TMEM176B: variants seen among roughly 807,000 people sequenced by gnomAD.
TMEM176B encodes the protein transmembrane protein 176B.
Under a neutral mutation model 30.3 loss-of-function variants are expected in TMEM176B, and 28 were observed. The observed-to-expected ratio is 0.92, with a 90% CI of 0.68 to 1.27. TMEM176B has a LOEUF of 1.27. Ranked by LOEUF, TMEM176B falls within the 50% of genes most tolerant of loss-of-function variation. The probability of loss-of-function intolerance (pLI) is 0.00; values close to 1 mark genes in which losing one functional copy is unlikely to be tolerated. For synonymous variants in TMEM176B, 123 were observed against 130.3 expected (o/e 0.94, Z 0.38); for missense variants, 349 against 327.4 (o/e 1.07, Z -0.51).
rs1304534487 is a variant in TMEM176B at position 150,793,124 on chromosome 7, C to A, written c.564G>T (p.Gln188His). 1.9e-6 allele frequency: 3 copies of A among 1,614,222 alleles called. No homozygotes were observed. The African/African-American group carries it at 4.0e-5, about 22-fold the overall frequency. ...WMRRSQENQW[Q>H]KEECRAYMQM... ...GCATGTAAGCTCTACACTCCTCCTT[C>A]TGCCATTGGTTCTCTTGACTTCGCC... is the stretch of plus-strand genomic sequence containing the variant. The change falls in exon 5 of 7, where the codon CAG (glutamine) becomes CAT (histidine). Residue 188 changes from glutamine (Q) to histidine (H), a missense_variant. Coordinates refer to ENST00000326442, the MANE Select transcript of TMEM176B (RefSeq NM_001101312.2).
chr7:150,801,038 C>A, upstream of TMEM176B: 1 of 969,378 alleles, frequency 1.0e-6, no homozygotes. Context: ...GCGGCGTGAA[C>A]CCGTCGGGCG....
rs377152808 is a variant in TMEM176B, at chr7:150,791,593, C to T, written c.751G>A (p.Gly251Arg). 28 of 1,613,832 alleles carry T rather than the reference C, an allele frequency of 1.7e-5. No individual in the cohort carries two copies. Among genetic ancestry groups the T allele is most frequent in the African/African-American group, 2.7e-5 (2 of 74,868 alleles). Reference sequence around the variant, plus strand: ...GGCGAAGGGGGCACTGAATTCTCCCCCAGTAGCCTCTTCTCTGATCCTTCC... The same window carrying T: ...GGCGAAGGGGGCACTGAATTCTCCCTCAGTAGCCTCTTCTCTGATCCTTCC... Reference protein sequence around the residue: ...NEEGSEKRLLGENSVPPSPSR... With the variant: ...NEEGSEKRLLRENSVPPSPSR... Residue 251 changes from glycine (G) to arginine (R), a missense_variant, in exon 7 of 7, where the codon GGG becomes AGG. Physicochemically the swap from Gly to Arg is moderately radical, Grantham distance 125 (BLOSUM62 -2). Transcript: ENST00000326442.
chr7:150,797,598 A>G (rs1480938490), intron 1 of TMEM176B, among the ~76,000 whole-genome samples: 1 of 152,216 alleles, frequency 6.6e-6, no homozygotes, highest in South Asian at 2.1e-4. Flanking sequence ...ATGTCCTCAC[A>G]GAAGTATTTT....
chr7:150,793,595 G>A lies in TMEM176B; in HGVS notation c.321C>T (p.Ile107=), dbSNP rs369280918. 33 of 1,613,308 alleles carry A rather than the reference G, an allele frequency of 2.0e-5. No homozygotes were observed. The highest frequency in any genetic ancestry group is 1.4e-4 in the South Asian group (13 of 90,822). Residue 107 remains isoleucine (I), a synonymous_variant, in exon 4 of 7, where the codon ATC becomes ATT. Coordinates refer to ENST00000326442, the MANE Select transcript of TMEM176B (RefSeq NM_001101312.2). ...GCAFWAGSVV[I]AAGAGAIVHE... Reference sequence around the variant, plus strand: ...GGACAATGGCCCCAGCTCCTGCTGCGATCACCTGAAAAGAGACACCAGAAA... The same window carrying A: ...GGACAATGGCCCCAGCTCCTGCTGCAATCACCTGAAAAGAGACACCAGAAA...
chr7:150,796,746 G>A (rs1054048906), intron 1 of TMEM176B, 172 bp from the exon 2 acceptor site: 33 of 649,766 alleles, frequency 5.1e-5, no homozygotes, highest in African/African-American at 4.0e-4. Flanking sequence ...ATTACCTGAG[G>A]TCAGGAGTTC....
At chr7:150,793,755 C>T (rs1798411741) in intron 3 of TMEM176B, among the ~76,000 whole-genome samples, 155 bp from the exon 4 acceptor site, 1 of 152,176 alleles carries the variant, frequency 6.6e-6, no homozygotes, top group Non-Finnish European at 1.5e-5. Context: ...CCACCTATAC[C>T]TGCCCCACCC....
Position 150,796,549 on chromosome 7 carries a change from A to G in TMEM176B, c.21T>C (p.Ile7=). The part of the protein sequence containing the change: MTQNTV[I]VNGVAMASRP... The stretch of plus-strand genomic sequence containing the variant: ...TAGAGGCCATAGCAACTCCATTCAC[A>G]ATCACCGTGTTTTGCGTCATCCTGC... Residue 7 remains isoleucine (I), a synonymous_variant, in exon 2 of 7, where the codon ATT becomes ATC. Transcript: ENST00000326442. 6.2e-7 allele frequency: 1 copy of G among 1,614,102 alleles called. No homozygotes were observed. The highest frequency in any genetic ancestry group is 8.5e-7 in the Non-Finnish European group (1 of 1,180,044).
In TMEM176B at chr7:150,792,292, A is replaced by G. The variant is rs933088819; in HGVS notation, c.601-117T>C. 5 of 1,355,224 alleles carry G rather than the reference A, an allele frequency of 3.7e-6. No individual in the cohort carries two copies. In the African/African-American group the frequency reaches 5.8e-5, roughly 16 times the overall value. 83.9% of individuals were successfully genotyped at this position (1,355,224 alleles called of 1,614,324 possible). On this transcript the variant is annotated intron_variant, in intron 5 of 6. Transcript: ENST00000326442. ...CTATCCAGCTTGCTGCTCCCACCAC[A>G]GCTGACTGTGTTTCCAGCCACAGCT...
At chr7:150,794,209 C>G (rs919964191) in intron 2 of TMEM176B, 138 bp from the exon 3 acceptor site, 1 of 598,964 alleles carries the variant, frequency 1.7e-6, no homozygotes. Context: ...AGCTCTGATT[C>G]TGGAAGATTC....
At chr7:150,792,439 A>G (rs1387086008) in intron 5 of TMEM176B, among the ~76,000 whole-genome samples, 11 of 152,218 alleles carry the variant, frequency 7.2e-5, no homozygotes, top group Admixed American at 7.2e-4. Flanking sequence ...TGAAAGTGAC[A>G]CTATACAGTG....
chr7:150,794,521 T>C (rs1408672112), intron 2 of TMEM176B, among the ~76,000 whole-genome samples: 1 of 152,032 alleles, frequency 6.6e-6, no homozygotes, highest in Non-Finnish European at 1.5e-5. Context: ...CTTGTTTGAT[T>C]GCTGACAGCC....
intron 1 of TMEM176B, 47 bp from the exon 2 acceptor site, chr7:150,796,621 G>C (rs1252838896): frequency 6.3e-7 from 1 of 1,580,022 alleles, no homozygotes; most frequent in African/African-American, 1.3e-5. Context: ...AACTAGGCGA[G>C]GGAAAAATAC....
chr7:150,793,899 A>G (rs1798416094), intron 3 of TMEM176B, 62 bp downstream of exon 3: 5 of 1,395,864 alleles, frequency 3.6e-6, no homozygotes, highest in Non-Finnish European at 4.9e-6. Context: ...CAAGATCCAT[A>G]AGCGCCTTCT....
chr7:150,794,132 G>A, intron 2 of TMEM176B, 61 bp from the exon 3 acceptor site: 1 of 1,370,214 alleles, frequency 7.3e-7, no homozygotes, highest in Non-Finnish European at 1.0e-6. Context: ...CGGCTGCCCT[G>A]GGACCAGCTG....
At chr7:150,798,895 A>C (rs549809218) in intron 1 of TMEM176B, among the ~76,000 whole-genome samples, 1 of 152,240 alleles carries the variant, frequency 6.6e-6, no homozygotes, top group African/African-American at 2.4e-5. Flanking sequence ...TGAGTTTCAA[A>C]TGTTTCTTTA....
At chr7:150,793,913 C>A in intron 3 of TMEM176B, 48 bp downstream of exon 3, 4 of 1,470,596 alleles carry the variant, frequency 2.7e-6, no homozygotes, top group Non-Finnish European at 3.7e-6. Context: ...GCCTTCTTGC[C>A]CATCACCACT....
upstream of TMEM176B, chr7:150,801,265 G>T: frequency 9.2e-6 from 3 of 324,672 alleles, no homozygotes; most frequent in Non-Finnish European, 1.1e-5. Flanking sequence ...CAGACGCCAG[G>T]GCCCTGGGAG....
chr7:150,798,868 A>G (rs924620922), intron 1 of TMEM176B, among the ~76,000 whole-genome samples: 1 of 152,064 alleles, frequency 6.6e-6, no homozygotes, highest in Non-Finnish European at 1.5e-5. Flanking sequence ...CTATTCACAA[A>G]ATTACCGTTT....
rs1164722518 is a variant in TMEM176B at position 150,793,952 on chromosome 7, C to T, written c.315+9G>A. 1 of 1,590,098 alleles carries T rather than the reference C, an allele frequency of 6.3e-7. No individual in the cohort carries two copies. Among genetic ancestry groups the T allele is most frequent in the Non-Finnish European group, 8.6e-7 (1 of 1,169,548 alleles). On this transcript the variant is annotated intron_variant, in intron 3 of 6. Coordinates refer to ENST00000326442, the MANE Select transcript of TMEM176B (RefSeq NM_001101312.2). ...CTCCCTCCAGGCTCACAGCCTGTTC[C>T]TTACTCACCACAGACCCCGCCCAGA...
Sources: allele counts gnomAD v4.1 joint callset (sites outside exome capture counted in the v4.1 genomes callset), GRCh38; gene constraint gnomAD v4.1.1; transcripts MANE v1.5; gene names NCBI Gene and HGNC (gene_info 2026-07-23, HGNC 2026-07-21).